Variants in PSME3IP1 observed in about 807,000 individuals in gnomAD.
The protein encoded by PSME3IP1 is PSME3-interacting protein.
PSME3IP1 carries 13 observed loss-of-function variants against 34.1 expected under a neutral mutation model. The ratio of observed to expected loss-of-function variants is 0.38; its 90% CI spans 0.25 to 0.61. The LOEUF (loss-of-function observed/expected upper bound fraction) is 0.61. PSME3IP1 is among the 20% of genes least tolerant of loss of function. PSME3IP1 has a pLI of 0.60. For synonymous variants in PSME3IP1, 93 were observed against 114.3 expected (o/e 0.81, Z 1.19); for missense variants, 237 against 301.4 (o/e 0.79, Z 1.58).
At chr16:57,173,223 GA>G (rs2072804262) in intron 2 of PSME3IP1, among the ~76,000 whole-genome samples, 1 of 152,198 alleles carries the variant, frequency 6.6e-6, no homozygotes, top group African/African-American at 2.4e-5. Flanking sequence ...CTCTTGGAAG[GA>G]AGTGTGGTAG....
At chr16:57,166,043 G>A (rs746462229) in intron 5 of PSME3IP1, among the ~76,000 whole-genome samples, 1 of 152,196 alleles carries the variant, frequency 6.6e-6, no homozygotes, top group Non-Finnish European at 1.5e-5. Context: ...TTTGGGTAGC[G>A]AGCCCTTCTC....
intron 1 of PSME3IP1, among the ~76,000 whole-genome samples, chr16:57,180,534 G>A (rs1229150603): frequency 6.6e-6 from 1 of 151,780 alleles, no homozygotes; most frequent in Non-Finnish European, 1.5e-5. Context: ...AGGTTGCAGT[G>A]AACTGAGATT....
At chr16:57,182,247 C>T (rs2073783763) in intron 1 of PSME3IP1, among the ~76,000 whole-genome samples, 1 of 151,964 alleles carries the variant, frequency 6.6e-6, no homozygotes, top group Non-Finnish European at 1.5e-5. Flanking sequence ...TCACACTGGC[C>T]ATGTCAGAGT....
intron 1 of PSME3IP1, chr16:57,174,715 CATGA>C (rs1454631455): frequency 2.0e-6 from 2 of 983,624 alleles, no homozygotes; most frequent in Non-Finnish European, 2.4e-6. Context: ...GTGCACAAAC[CATGA>C]ATGGAGAAAG....
At chr16:57,157,366 T>C (rs994341102) in intron 6 of PSME3IP1, among the ~76,000 whole-genome samples, 8 of 149,164 alleles carry the variant, frequency 5.4e-5, no homozygotes, top group Non-Finnish European at 1.2e-4. Flanking sequence ...CATCTCTGTG[T>C]GTACTGTTAT....
At chr16:57,165,153 T>TTTTA (rs1555487613) in intron 5 of PSME3IP1, among the ~76,000 whole-genome samples, 5 of 147,668 alleles carry the variant, frequency 3.4e-5, no homozygotes, top group African/African-American at 1.2e-4. Context: ...TAAGACACTG[T>TTTTA]TATATATATA....
At chr16:57,185,748 C>A in intron 1 of PSME3IP1, 73 bp downstream of exon 1, 1 of 985,424 alleles carries the variant, frequency 1.0e-6, no homozygotes, top group South Asian at 4.7e-5. Flanking sequence ...TAACAGCAGC[C>A]GCAGCTCATC....
intron 6 of PSME3IP1, among the ~76,000 whole-genome samples, chr16:57,155,677 C>T (rs2145380559): frequency 6.6e-6 from 1 of 152,160 alleles, no homozygotes; most frequent in East Asian, 1.9e-4. Flanking sequence ...GTGACGCGTG[C>T]CTGTAATCCC....
intron 4 of PSME3IP1, among the ~76,000 whole-genome samples, chr16:57,171,524 A>G (rs918242017): frequency 6.6e-5 from 10 of 152,192 alleles, no homozygotes; most frequent in African/African-American, 2.2e-4. Flanking sequence ...AACCAATTAG[A>G]TGGTCACAGG....
chr16:57,184,780 A>G (rs760991596), intron 1 of PSME3IP1, among the ~76,000 whole-genome samples: 5 of 152,268 alleles, frequency 3.3e-5, no homozygotes, highest in Non-Finnish European at 7.3e-5. Flanking sequence ...TTCTTATATC[A>G]TGAAGCACTT....
chr16:57,185,548 G>A (rs2074100124), intron 1 of PSME3IP1: 4 of 985,516 alleles, frequency 4.1e-6, no homozygotes, highest in African/African-American at 1.7e-5. Flanking sequence ...GCCCTACCTA[G>A]CAGAAAATTG....
intron 6 of PSME3IP1, among the ~76,000 whole-genome samples, chr16:57,160,229 G>A (rs1164144630): frequency 6.6e-6 from 1 of 151,552 alleles, no homozygotes; most frequent in Non-Finnish European, 1.5e-5. Context: ...AGCGGAGCTT[G>A]CAGTGAGCCG....
At chr16:57,172,533 AC>A (rs1401607691) in intron 3 of PSME3IP1, among the ~76,000 whole-genome samples, 161 bp from the exon 4 acceptor site, 2 of 152,322 alleles carry the variant, frequency 1.3e-5, no homozygotes, top group South Asian at 4.1e-4. Context: ...ATAAAAAAAA[AC>A]AAGGCATTTT....
intron 1 of PSME3IP1, chr16:57,178,904 G>T: frequency 1.7e-6 from 1 of 580,010 alleles, no homozygotes; most frequent in Non-Finnish European, 2.2e-6. Context: ...GCTGGAAGTA[G>T]ACAAAGAAGC....
chr16:57,155,142 G>A (rs1233860254), intron 6 of PSME3IP1, among the ~76,000 whole-genome samples: 1 of 152,256 alleles, frequency 6.6e-6, no homozygotes, highest in Non-Finnish European at 1.5e-5. Context: ...GGAGAGAGGA[G>A]CAATTCAGAA....
intron 1 of PSME3IP1, among the ~76,000 whole-genome samples, chr16:57,176,020 C>T (rs776442909): frequency 5.4e-4 from 82 of 152,320 alleles, no homozygotes; most frequent in Non-Finnish European, 9.6e-4. Flanking sequence ...GTTGCTCCCA[C>T]CTAAAGCCCA....
At chr16:57,176,684 T>C (rs1567435956) in intron 1 of PSME3IP1, among the ~76,000 whole-genome samples, 1 of 152,230 alleles carries the variant, frequency 6.6e-6, no homozygotes, top group Non-Finnish European at 1.5e-5. Flanking sequence ...GTTGCTTTTC[T>C]GAGCCAAACA....
At chr16:57,160,296 C>CA (rs202138648) in intron 6 of PSME3IP1, among the ~76,000 whole-genome samples, 170 of 78,818 alleles carry the variant, frequency 2.2e-3, no homozygotes, top group Admixed American at 2.4e-3. Flanking sequence ...GACTCCGTCT[C>CA]AAAAAAAAAA....
At chr16:57,172,932 T>C in intron 2 of PSME3IP1, 58 bp from the exon 3 acceptor site, 3 of 1,084,452 alleles carry the variant, frequency 2.8e-6, no homozygotes. Flanking sequence ...CACTTCAGAT[T>C]GTTTTCATAT....
Sources: allele counts gnomAD v4.1 joint callset (sites outside exome capture counted in the v4.1 genomes callset), GRCh38; gene constraint gnomAD v4.1.1; transcripts MANE v1.5; gene names NCBI Gene and HGNC (gene_info 2026-07-23, HGNC 2026-07-21).